The following ZBTB20 variants were observed in gnomAD, a reference collection of about 807,000 sequenced individuals.
The protein encoded by ZBTB20 is zinc finger and BTB domain-containing protein 20.
A neutral mutation model predicts 56.9 loss-of-function variants in ZBTB20; 9 were observed. The ratio of observed to expected loss-of-function variants is 0.16; its 90% CI spans 0.10 to 0.28. The LOEUF is 0.28. Among genes scored for constraint, ZBTB20 ranks in the 10% least tolerant of loss-of-function variants. ZBTB20 has a pLI of 1.00. For missense variants in ZBTB20, 655 were observed against 1,003.0 expected (o/e 0.65, Z 4.69); for synonymous variants, 417 against 420.7 (o/e 0.99, Z 0.11).
At chr3:115,027,039 A>AATATCCT (rs2080455523) in intron 2 of ZBTB20, among the ~76,000 whole-genome samples, 1 of 150,898 alleles carries the variant, frequency 6.6e-6, no homozygotes, top group African/African-American at 2.4e-5. Flanking sequence ...ATGACTGCAT[A>AATATCCT]ATATCCTATA....
intron 3 of ZBTB20, among the ~76,000 whole-genome samples, chr3:114,921,873 CAT>C (rs892199941): frequency 1.2e-4 from 18 of 151,498 alleles, no homozygotes; most frequent in South Asian, 2.1e-4. Context: ...TAAATATACA[CAT>C]ATATATATAT....
At chr3:114,919,597 C>T (rs911228724) in intron 3 of ZBTB20, among the ~76,000 whole-genome samples, 1 of 151,564 alleles carries the variant, frequency 6.6e-6, no homozygotes, top group South Asian at 2.1e-4. Context: ...CCCAGCTACT[C>T]GGGAGGCTGA....
chr3:115,101,134 T>C (rs779953899), intron 1 of ZBTB20, among the ~76,000 whole-genome samples: 1 of 152,226 alleles, frequency 6.6e-6, no homozygotes, highest in African/African-American at 2.4e-5. Flanking sequence ...ACAGGTGCAA[T>C]GCGTATAGTA....
At chr3:114,475,076 TA>T (rs1297688626) in intron 7 of ZBTB20, among the ~76,000 whole-genome samples, 1 of 152,216 alleles carries the variant, frequency 6.6e-6, no homozygotes, top group African/African-American at 2.4e-5. Context: ...CTGGTCCCAA[TA>T]TACTTTTACC....
intron 3 of ZBTB20, among the ~76,000 whole-genome samples, chr3:114,953,041 T>C (rs550885763): frequency 6.6e-6 from 1 of 152,226 alleles, no homozygotes; most frequent in Non-Finnish European, 1.5e-5. Context: ...GGGCTTCCAA[T>C]GTATGTAGAT....
rs1449067778 is a variant in ZBTB20 at position 114,317,954 on chromosome 3, T to C, written c.*21051A>G. ...AGGCCTCTCTTCAGCTTTCTGTCAT[T>C]GACAGTCTCAAGATTCGGCTGCTTT... On this transcript the variant is annotated 3_prime_UTR_variant, in exon 12 of 12. Transcript: ENST00000675478. The C allele has an allele frequency of 1.3e-5, 2 of 152,140 alleles. No individual in the cohort carries two copies. The highest frequency in any genetic ancestry group is 2.9e-5 in the Non-Finnish European group (2 of 68,022). The allele number at this position is 152,140 out of a possible 1,614,324, so 9.4% of individuals were successfully genotyped here.
At chr3:114,618,079 GTT>G (rs34473856) in intron 6 of ZBTB20, among the ~76,000 whole-genome samples, 1 of 146,880 alleles carries the variant, frequency 6.8e-6, no homozygotes, top group Non-Finnish European at 1.5e-5. Context: ...AAAGATTTCT[GTT>G]TTTTTTTTTC....
chr3:114,418,820 C>G (rs1365013438), intron 7 of ZBTB20, among the ~76,000 whole-genome samples: 1 of 152,066 alleles, frequency 6.6e-6, no homozygotes, highest in African/African-American at 2.4e-5. Flanking sequence ...GCTATGGCTA[C>G]TATGTTTCCA....
chr3:114,666,656 T>G (rs1432432059), intron 6 of ZBTB20, among the ~76,000 whole-genome samples: 1 of 152,008 alleles, frequency 6.6e-6, no homozygotes, highest in Non-Finnish European at 1.5e-5. Context: ...GATTGGTAAG[T>G]TGCTGAAGAC....
chr3:114,885,623 A>G (rs1051873614), intron 4 of ZBTB20, among the ~76,000 whole-genome samples: 3 of 152,090 alleles, frequency 2.0e-5, no homozygotes, highest in African/African-American at 7.2e-5. Context: ...AGGTTAATTC[A>G]ATTAATGTGT....
At chr3:114,855,989 G>T (rs1489037891) in intron 4 of ZBTB20, among the ~76,000 whole-genome samples, 1 of 152,150 alleles carries the variant, frequency 6.6e-6, no homozygotes, top group African/African-American at 2.4e-5. Flanking sequence ...AGGCGTTAGG[G>T]TATAGAGAGT....
intron 5 of ZBTB20, among the ~76,000 whole-genome samples, chr3:114,781,161 T>A (rs549338253): frequency 6.6e-6 from 1 of 152,310 alleles, no homozygotes; most frequent in East Asian, 1.9e-4. Flanking sequence ...GGCTGTGGAA[T>A]CAGACTCCCT....
intron 7 of ZBTB20, among the ~76,000 whole-genome samples, chr3:114,473,661 G>A (rs1192193969): frequency 6.8e-6 from 1 of 146,556 alleles, no homozygotes; most frequent in Non-Finnish European, 1.6e-5. Flanking sequence ...TGAGACCCCT[G>A]TCTCTAAAAA....
At chr3:114,854,986 TTC>T (rs1219782656) in intron 4 of ZBTB20, among the ~76,000 whole-genome samples, 1 of 152,218 alleles carries the variant, frequency 6.6e-6, no homozygotes, top group Non-Finnish European at 1.5e-5. Context: ...TCTAAACTTC[TTC>T]TGTTTTCTCT....
rs1458988385 is a variant in ZBTB20 at position 114,337,703 on chromosome 3, A to T, written c.*1302T>A. ...ATAAAAATTAAGAAAAATTAAAAAA[A>T]ATATGAAGAAAATATCCTTCCTCTC... On this transcript the variant is annotated 3_prime_UTR_variant, in exon 12 of 12. Transcript: ENST00000675478. The T allele has an allele frequency of 6.6e-6, 1 of 152,162 alleles. No individual in the cohort carries two copies. Among genetic ancestry groups the T allele is most frequent in the Non-Finnish European group, 1.5e-5 (1 of 68,032 alleles). The allele number at this position is 152,162 out of a possible 1,614,324, so 9.4% of individuals were successfully genotyped here. A position where few individuals can be genotyped will look rare whatever the true frequency, so the allele number is the denominator to read the frequency against.
At chr3:114,673,139 C>T (rs552378581) in intron 6 of ZBTB20, among the ~76,000 whole-genome samples, 1 of 152,210 alleles carries the variant, frequency 6.6e-6, no homozygotes, top group South Asian at 2.1e-4. Context: ...TTCCAGATAG[C>T]CCAAAGCACC....
chr3:114,713,896 A>C (rs1246331008), intron 5 of ZBTB20: 1 of 152,720 alleles, frequency 6.5e-6, no homozygotes, highest in Admixed American at 6.5e-5. Flanking sequence ...AGTTACCTAC[A>C]TTTGTAATAT....
intron 7 of ZBTB20, among the ~76,000 whole-genome samples, chr3:114,412,875 T>C (rs554099786): frequency 1.3e-5 from 2 of 152,314 alleles, no homozygotes; most frequent in African/African-American, 4.8e-5. Context: ...GAATCACATC[T>C]TTTTGTTATG....
intron 3 of ZBTB20, among the ~76,000 whole-genome samples, chr3:114,956,424 C>T (rs1041597092): frequency 2.6e-5 from 4 of 152,190 alleles, no homozygotes; most frequent in Admixed American, 2.0e-4. Flanking sequence ...GCAAGGTAGA[C>T]ATCCTGGAAA....
Sources: gnomAD v4.1 joint callset for allele counts (sites outside exome capture counted in the v4.1 genomes callset) on GRCh38, gnomAD v4.1.1 for gene constraint, MANE v1.5 for transcripts, NCBI Gene and HGNC (gene_info 2026-07-23, HGNC 2026-07-21) for gene names.